EEPD1: variants seen among roughly 807,000 people sequenced by gnomAD.
EEPD1 encodes endonuclease/exonuclease/phosphatase family domain containing 1.
EEPD1 carries 17 observed loss-of-function variants against 46.3 expected under a neutral mutation model. The observed-to-expected ratio is 0.37, with a 90% confidence interval of 0.25 to 0.55. EEPD1 has a LOEUF of 0.55. Ranked by LOEUF, EEPD1 falls within the 20% of genes least tolerant of loss-of-function variation. The pLI, the probability that EEPD1 is intolerant of heterozygous loss-of-function variation, is 0.83. For missense variants in EEPD1, 673 were observed against 745.6 expected, an observed-to-expected ratio of 0.90 and a Z score of 1.13; for synonymous variants, 313 against 315.6, an observed-to-expected ratio of 0.99 and a Z score of 0.09.
chr7:36,218,885 C>T (rs1002278999), intron 2 of EEPD1, among the ~76,000 whole-genome samples: 3 of 151,900 alleles, frequency 2.0e-5, no homozygotes, highest in Non-Finnish European at 2.9e-5. Flanking sequence ...AGGAGAATGG[C>T]GATTTTGTCC....
At chr7:36,204,031 T>A in intron 2 of EEPD1, among the ~76,000 whole-genome samples, 1 of 151,378 alleles carries the variant, frequency 6.6e-6, no homozygotes, top group East Asian at 1.9e-4. Flanking sequence ...CTTTCTTTTT[T>A]CTTTTTCTTT....
chr7:36,161,215 T>C (rs1472682297), intron 2 of EEPD1, among the ~76,000 whole-genome samples: 5 of 152,232 alleles, frequency 3.3e-5, no homozygotes, highest in Non-Finnish European at 5.9e-5. Flanking sequence ...TTGTGCTTAC[T>C]ACCTGATGAG....
At chr7:36,273,882 C>A (rs1403129403) in intron 3 of EEPD1, among the ~76,000 whole-genome samples, 1 of 152,204 alleles carries the variant, frequency 6.6e-6, no homozygotes, top group African/African-American at 2.4e-5. Context: ...CCAGCTCATT[C>A]TTTCATTACT....
rs1786960280 is a variant in EEPD1, at chr7:36,263,253, G to GC, written c.931-17859dup. Among the ~76,000 whole-genome samples, 7 of 152,280 alleles carry GC rather than the reference G, an allele frequency of 4.6e-5. No individual in the cohort carries two copies. The South Asian group carries it at 1.5e-3, about 32-fold the overall frequency. On this transcript the variant is annotated intron_variant, in intron 3 of 7. Coordinates refer to ENST00000242108, the MANE Select transcript of EEPD1 (RefSeq NM_030636.3). ...AGGCTGAGGCGTGAGTATTGCCTGA[G>GC]CCCAGAAGGTTGAGGCTGCAGTGGG...
At chr7:36,155,845 T>TC (rs1784816453) in intron 2 of EEPD1, among the ~76,000 whole-genome samples, 2 of 152,120 alleles carry the variant, frequency 1.3e-5, no homozygotes, top group African/African-American at 4.8e-5. Flanking sequence ...GGCCGGATTT[T>TC]CCCCATTTAA....
intron 6 of EEPD1, 127 bp from the exon 7 acceptor site, chr7:36,296,866 C>A: frequency 1.2e-6 from 1 of 834,330 alleles, no homozygotes; most frequent in Non-Finnish European, 1.8e-6. Context: ...GAGTGAGAAC[C>A]ATGCCACAGT....
chr7:36,281,046 C>T, intron 3 of EEPD1, 69 bp from the exon 4 acceptor site: 1 of 1,378,958 alleles, frequency 7.3e-7, no homozygotes, highest in Non-Finnish European at 1.0e-6. Flanking sequence ...CCTGGCTTCT[C>T]AGGCCGCCGC....
At chr7:36,258,674 C>A (rs150680557) in intron 3 of EEPD1, among the ~76,000 whole-genome samples, 1 of 152,108 alleles carries the variant, frequency 6.6e-6, no homozygotes, top group Non-Finnish European at 1.5e-5. Context: ...GCCCCTCCCC[C>A]CACCAGCTCC....
Position 36,183,888 on chromosome 7 carries a change from T to TTTTTTTTTTTTTTTTTTTTTG in EEPD1, c.878+28686_878+28687insTTTTTTTTTTTTTTTTTTTTG, listed in dbSNP as rs3053348. On this transcript the variant is annotated intron_variant, in intron 2 of 7. Transcript: ENST00000242108. ...TTCCTAGCCCTCGTTTTTTTTTTTT[T>TTTTTTTTTTTTTTTTTTTTTG]ATTTTTAAAAAAATGTGTGTTGTTG... Among the ~76,000 whole-genome samples, 68 of 135,438 alleles carry TTTTTTTTTTTTTTTTTTTTTG rather than the reference T, an allele frequency of 5.0e-4. 1 individual carries two copies. The highest frequency in any genetic ancestry group is 1.4e-3 in the African/African-American group (53 of 38,524). The allele number at this position is 135,438 out of a possible 152,430, so 88.9% of individuals were successfully genotyped here.
rs147460715 is a variant in EEPD1, at chr7:36,278,755, G to A, written c.931-2360G>A. ...TTGCAGGATCCCTAAAGTTACAGTC[G>A]ATAAATTCTGGCTGCATCTTCCAAA... On this transcript the variant is annotated intron_variant, in intron 3 of 7. Transcript: ENST00000242108. Among the ~76,000 whole-genome samples, 635 of 152,238 alleles carry A rather than the reference G, an allele frequency of 4.2e-3. 3 individuals are homozygous for A. The highest frequency in any genetic ancestry group is 0.014 in the African/African-American group (601 of 41,536).
intron 2 of EEPD1, among the ~76,000 whole-genome samples, chr7:36,175,594 A>G (rs1785163105): frequency 6.6e-6 from 1 of 151,684 alleles, no homozygotes; most frequent in South Asian, 2.1e-4. Flanking sequence ...TTTGGGCCAG[A>G]TGACTGTTGT....
intron 2 of EEPD1, among the ~76,000 whole-genome samples, chr7:36,195,440 GAA>G (rs932027529): frequency 2.6e-5 from 4 of 152,222 alleles, no homozygotes; most frequent in Non-Finnish European, 5.9e-5. Flanking sequence ...AAGAAGTAGA[GAA>G]AGCCATCAGA....
In EEPD1 at chr7:36,172,816, A is replaced by G. The variant is rs1014122840; in HGVS notation, c.878+17614A>G. On this transcript the variant is annotated intron_variant, in intron 2 of 7. Transcript: ENST00000242108. ...AGCAAATTAACCAAACCCAAAAAAA[A>G]GGATCATGGAAACCTCAACTTGAAG... Among the ~76,000 whole-genome samples, 6 of 137,632 alleles carry G rather than the reference A, an allele frequency of 4.4e-5. No individual in the cohort carries two copies. The South Asian group carries it at 1.5e-3, about 35-fold the overall frequency. The allele number at this position is 137,632 out of a possible 152,430, so 90.3% of individuals were successfully genotyped here.
At chr7:36,243,395 G>A (rs538112143) in intron 3 of EEPD1, among the ~76,000 whole-genome samples, 5 of 151,726 alleles carry the variant, frequency 3.3e-5, no homozygotes, top group Middle Eastern at 3.4e-3. Flanking sequence ...GTTCACCTGC[G>A]TCTTCCTTTG....
rs371723136 is a variant in EEPD1, at chr7:36,154,382, C to T, written c.58C>T (p.His20Tyr). ...SIPRDPSDLS[H>Y]SRKFSAACNF... ...CCCCAGGGACCCCTCGGACCTGTCC[C>T]ATAGCCGCAAGTTCAGCGCAGCCTG... Residue 20 changes from histidine (H) to tyrosine (Y), a missense_variant, in exon 2 of 8, where the codon CAT becomes TAT. Coordinates refer to ENST00000242108, the MANE Select transcript of EEPD1 (RefSeq NM_030636.3). The surrounding 1 kb of genome is among the most constrained non-coding windows in gnomAD (Gnocchi z 4.2). 3 of 1,613,904 alleles carry T rather than the reference C, an allele frequency of 1.9e-6. No homozygotes were observed. Among genetic ancestry groups the T allele is most frequent in the Non-Finnish European group, 2.5e-6 (3 of 1,180,044 alleles).
chr7:36,246,522 G>GGTC (rs1786643371), intron 3 of EEPD1, among the ~76,000 whole-genome samples: 3 of 152,278 alleles, frequency 2.0e-5, no homozygotes, highest in African/African-American at 7.2e-5. Context: ...CTGCTGCTGT[G>GGTC]GTCGTCATCA....
At chr7:36,167,063 T>C (rs753982080) in intron 2 of EEPD1, among the ~76,000 whole-genome samples, 5 of 152,172 alleles carry the variant, frequency 3.3e-5, no homozygotes, top group Non-Finnish European at 7.4e-5. Flanking sequence ...CCCTGCGTCT[T>C]CACATGGTCT....
intron 3 of EEPD1, among the ~76,000 whole-genome samples, chr7:36,249,222 C>T (rs1786692779): frequency 6.6e-6 from 1 of 152,022 alleles, no homozygotes; most frequent in South Asian, 2.1e-4. Context: ...CATGAGGGTT[C>T]ATTTTAAATT....
intron 3 of EEPD1, among the ~76,000 whole-genome samples, chr7:36,273,761 G>A (rs548600234): frequency 3.1e-4 from 47 of 152,252 alleles, no homozygotes; most frequent in African/African-American, 9.1e-4. Flanking sequence ...AGACTGAGGC[G>A]CAAAGATGTT....
Sources: allele counts gnomAD v4.1 joint callset (sites outside exome capture counted in the v4.1 genomes callset), GRCh38; gene constraint gnomAD v4.1.1; non-coding constraint Gnocchi (gnomAD v3.1); transcripts MANE v1.5; gene names NCBI Gene and HGNC (gene_info 2026-07-23, HGNC 2026-07-21).